The following CLIC5 variants were observed in gnomAD, a reference collection of about 807,000 sequenced individuals.
The protein encoded by CLIC5 is chloride intracellular channel protein 5.
CLIC5 carries 20 observed loss-of-function variants against 24.7 expected under a neutral mutation model. That is an observed-to-expected ratio of 0.81 (90% CI 0.57 to 1.18). The LOEUF is 1.18. Ranked by LOEUF, CLIC5 falls within the 50% of genes most tolerant of loss-of-function variation. The pLI, the probability that CLIC5 is intolerant of heterozygous loss-of-function variation, is 0.00. For synonymous variants in CLIC5, 159 were observed against 135.6 expected, an observed-to-expected ratio of 1.17 and a Z score of -1.20; for missense variants, 341 against 326.1, an observed-to-expected ratio of 1.05 and a Z score of -0.35.
chr6:46,082,077 G>T (rs1167795547), upstream of CLIC5, among the ~76,000 whole-genome samples: 1 of 152,004 alleles, frequency 6.6e-6, no homozygotes, highest in South Asian at 2.1e-4. Flanking sequence ...CACCCCTTGG[G>T]GGGTGACACT....
upstream of CLIC5, chr6:46,018,791 A>G (rs1767090731): frequency 6.6e-6 from 1 of 152,228 alleles, no homozygotes; most frequent in Non-Finnish European, 1.5e-5. Flanking sequence ...CCATACAGAG[A>G]AGATTGGCAT....
chr6:46,057,860 ACT>A (rs1768303512), intron 1 of CLIC5, among the ~76,000 whole-genome samples: 1 of 151,846 alleles, frequency 6.6e-6, no homozygotes, highest in African/African-American at 2.4e-5. Context: ...TGCTCTACTG[ACT>A]CTATTTTATG....
At chr6:46,044,715 G>T (rs1767908377) in intron 1 of CLIC5, among the ~76,000 whole-genome samples, 1 of 152,056 alleles carries the variant, frequency 6.6e-6, no homozygotes, top group Non-Finnish European at 1.5e-5. Context: ...TGATTTGGGG[G>T]CCATAGAGTG....
chr6:45,908,513 C>A (rs531342763), intron 5 of CLIC5, among the ~76,000 whole-genome samples: 1 of 151,926 alleles, frequency 6.6e-6, no homozygotes, highest in Non-Finnish European at 1.5e-5. Flanking sequence ...TTACTTTTGC[C>A]GTAATTTTGT....
chr6:45,896,694 G>A (rs1762397177), downstream of CLIC5, among the ~76,000 whole-genome samples: 1 of 152,190 alleles, frequency 6.6e-6, no homozygotes, highest in South Asian at 2.1e-4. Context: ...AGCTTCTCTG[G>A]AACAGGACTT....
chr6:45,995,401 C>G (rs148798828), intron 1 of CLIC5, among the ~76,000 whole-genome samples: 3 of 152,294 alleles, frequency 2.0e-5, no homozygotes, highest in Non-Finnish European at 2.9e-5. Flanking sequence ...CAGTGAGAAG[C>G]CTTCAATTTG....
chr6:45,945,424 A>C (rs1318465322), intron 3 of CLIC5, among the ~76,000 whole-genome samples: 2 of 152,120 alleles, frequency 1.3e-5, no homozygotes, highest in African/African-American at 4.8e-5. Context: ...TGGCATAGGA[A>C]GGAAAGTAAT....
upstream of CLIC5, among the ~76,000 whole-genome samples, chr6:46,085,228 T>C (rs1763006425): frequency 6.6e-6 from 1 of 152,234 alleles, no homozygotes; most frequent in South Asian, 2.1e-4. Context: ...AATTTCCTCC[T>C]ATAGCTCGGA....
In CLIC5 at chr6:45,958,433, T is replaced by TATATATATATACACACACACACAC. The variant is rs1561964410; in HGVS notation, c.64-3190_64-3189insGTGTGTGTGTGTGTATATATATAT. Reference sequence around the variant, plus strand: ...TGTCAAAAAGACAATTATATATATATATATATATATATATATATATATATA... The same window carrying TATATATATATACACACACACACAC: ...TGTCAAAAAGACAATTATATATATATATATATATATACACACACACACACATATATATATATATATATATATATA... On this transcript the variant is annotated intron_variant, in intron 1 of 5. Transcript: ENST00000339561. Among the ~76,000 whole-genome samples the TATATATATATACACACACACACAC allele has an allele frequency of 2.7e-3, 13 of 4,762 alleles. 1 individual carries two copies. Among genetic ancestry groups the TATATATATATACACACACACACAC allele is most frequent in the African/African-American group, 4.5e-3 (12 of 2,660 alleles). 3.1% of individuals were successfully genotyped at this position (4,762 alleles called of 152,430 possible).
chr6:45,974,522 TAGAGAGAGAGAGAGAGAGAGAG>T (rs58729329), intron 1 of CLIC5, among the ~76,000 whole-genome samples: 1 of 66,002 alleles, frequency 1.5e-5, no homozygotes, highest in Non-Finnish European at 2.7e-5. Flanking sequence ...TATATATATA[TAGAGAGAGAGAGAGAGAGAGAG>T]AGAGAGAGAG....
chr6:45,941,757 T>C (rs1764140379), intron 3 of CLIC5, 104 bp from the exon 4 acceptor site: 3 of 898,200 alleles, frequency 3.3e-6, no homozygotes, highest in Admixed American at 3.9e-5. Flanking sequence ...TCCAGCTGCA[T>C]CTACAAAATG....
intron 1 of CLIC5, among the ~76,000 whole-genome samples, chr6:46,004,615 C>T (rs562594315): frequency 2.6e-5 from 4 of 152,260 alleles, no homozygotes; most frequent in Admixed American, 6.5e-5. Context: ...TGACCTATAC[C>T]GACCAAGGCA....
In CLIC5 at chr6:45,899,277, A is replaced by C. The variant is rs949993117; in HGVS notation, c.*3811T>G. 1 of 152,198 alleles carries C rather than the reference A, an allele frequency of 6.6e-6. No homozygotes were observed. The highest frequency in any genetic ancestry group is 2.4e-5 in the African/African-American group (1 of 41,444). The allele number at this position is 152,198 out of a possible 1,614,324, so 9.4% of individuals were successfully genotyped here. A position where few individuals can be genotyped will look rare whatever the true frequency, so the allele number is the denominator to read the frequency against. On this transcript the variant is annotated 3_prime_UTR_variant, in exon 6 of 6. Transcript: ENST00000339561. ...TGATGCTTTCTTAAGATTCTCCTTA[A>C]TGTCATTTAAAAAAATAAGAAAGTG...
At chr6:46,043,547 C>T (rs570051816) in intron 1 of CLIC5, among the ~76,000 whole-genome samples, 1 of 152,360 alleles carries the variant, frequency 6.6e-6, no homozygotes, top group South Asian at 2.1e-4. Context: ...ATAAGGCAAA[C>T]TCCTAATGTA....
chr6:45,917,324 G>T (rs4714888), intron 4 of CLIC5, among the ~76,000 whole-genome samples: 16,089 of 152,128 alleles, frequency 0.11, 1,247 homozygotes, highest in African/African-American at 0.21. Context: ...GCCAATACGA[G>T]GACATCAATT....
At chr6:45,962,688 A>C (rs534730766) in intron 1 of CLIC5, among the ~76,000 whole-genome samples, 12 of 152,328 alleles carry the variant, frequency 7.9e-5, no homozygotes, top group Admixed American at 7.2e-4. Context: ...TAAACAATTG[A>C]ATATAGTTGT....
At chr6:46,071,667 C>A (rs1177635570) in intron 1 of CLIC5, among the ~76,000 whole-genome samples, 1 of 152,120 alleles carries the variant, frequency 6.6e-6, no homozygotes, top group African/African-American at 2.4e-5. Context: ...TTGTGGAAAG[C>A]AGTGTGGTGG....
chr6:46,109,513 T>TAAAAAA, the CLIC5 span, among the ~76,000 whole-genome samples: 4 of 47,182 alleles, frequency 8.5e-5, no homozygotes, highest in Non-Finnish European at 1.0e-4. Context: ...CAGTCTCCAC[T>TAAAAAA]AAAAAAAAAA....
At chr6:46,069,645 A>G (rs2127474070) in intron 1 of CLIC5, among the ~76,000 whole-genome samples, 1 of 152,278 alleles carries the variant, frequency 6.6e-6, no homozygotes, top group East Asian at 1.9e-4. Context: ...TACCAGATGT[A>G]CAAAGAAGAG....
Sources: allele counts gnomAD v4.1 joint callset (sites outside exome capture counted in the v4.1 genomes callset), GRCh38; gene constraint gnomAD v4.1.1; transcripts MANE v1.5; gene names NCBI Gene and HGNC (gene_info 2026-07-23, HGNC 2026-07-21).